Variants in FGF14 observed in about 807,000 individuals in gnomAD.
FGF14 encodes fibroblast growth factor homologous factor 4.
FGF14 carries 5 observed loss-of-function variants against 25.5 expected under a neutral mutation model. The ratio of observed to expected loss-of-function variants is 0.20; its 90% CI spans 0.10 to 0.41. The LOEUF (loss-of-function observed/expected upper bound fraction) is 0.41. Among genes scored for constraint, FGF14 ranks in the 10% least tolerant of loss-of-function variants. The pLI is 1.00. For missense variants in FGF14, 222 were observed against 320.1 expected, an observed-to-expected ratio of 0.69 and a Z score of 2.34; for synonymous variants, 138 against 118.3, an observed-to-expected ratio of 1.17 and a Z score of -1.08.
intron 1 of FGF14, among the ~76,000 whole-genome samples, chr13:102,309,225 A>G (rs2055593123): frequency 1.3e-5 from 2 of 151,596 alleles, no homozygotes; most frequent in African/African-American, 4.9e-5. Flanking sequence ...CACTGAGCCG[A>G]TCAACATGGT....
intron 1 of FGF14, among the ~76,000 whole-genome samples, chr13:102,372,072 T>G (rs892233384): frequency 1.9e-4 from 29 of 152,316 alleles, no homozygotes; most frequent in African/African-American, 6.5e-4. Flanking sequence ...TATTAATTTG[T>G]AACAATCATA....
At chr13:102,001,813 T>G (rs2039511424) in intron 1 of FGF14, among the ~76,000 whole-genome samples, 1 of 152,146 alleles carries the variant, frequency 6.6e-6, no homozygotes, top group African/African-American at 2.4e-5. Flanking sequence ...AGAAGAGCAC[T>G]GCAAGAAAAC....
chr13:102,010,095 A>T (rs1382927727), intron 1 of FGF14, among the ~76,000 whole-genome samples: 1 of 152,094 alleles, frequency 6.6e-6, no homozygotes, highest in Non-Finnish European at 1.5e-5. Flanking sequence ...TACTGCTGCT[A>T]CCTCTGGGCC....
At chr13:101,968,380 A>C (rs560661990) in intron 1 of FGF14, among the ~76,000 whole-genome samples, 44 of 152,330 alleles carry the variant, frequency 2.9e-4, no homozygotes, top group Non-Finnish European at 6.0e-4. Context: ...ACATTAAAAA[A>C]AATACAGCTT....
intron 1 of FGF14, among the ~76,000 whole-genome samples, chr13:101,909,713 A>G (rs2032684776): frequency 1.3e-5 from 2 of 152,098 alleles, no homozygotes; most frequent in South Asian, 4.1e-4. Flanking sequence ...AACTAGAAAT[A>G]CCATTTGACC....
At chr13:101,845,934 T>C (rs2043434003) in intron 3 of FGF14, among the ~76,000 whole-genome samples, 1 of 152,000 alleles carries the variant, frequency 6.6e-6, no homozygotes, top group African/African-American at 2.4e-5. Context: ...AGTGAACATA[T>C]CTGGTCGAAG....
At chr13:101,992,331 C>A (rs1174432950) in intron 1 of FGF14, among the ~76,000 whole-genome samples, 1 of 152,070 alleles carries the variant, frequency 6.6e-6, no homozygotes, top group Non-Finnish European at 1.5e-5. Flanking sequence ...AGCATGTTAG[C>A]CAGATAAATA....
chr13:102,316,950 C>T (rs931844704), intron 1 of FGF14, among the ~76,000 whole-genome samples: 1 of 152,138 alleles, frequency 6.6e-6, no homozygotes, highest in African/African-American at 2.4e-5. Context: ...AGTAAATTCA[C>T]CTCATGATAC....
At chr13:101,723,474 T>C (rs2035142005) in intron 4 of FGF14, among the ~76,000 whole-genome samples, 1 of 152,098 alleles carries the variant, frequency 6.6e-6, no homozygotes, top group Non-Finnish European at 1.5e-5. Context: ...AACATAGTCA[T>C]ACTAGTGTCA....
chr13:102,326,848 A>G (rs1003441473), intron 1 of FGF14, among the ~76,000 whole-genome samples: 3 of 152,182 alleles, frequency 2.0e-5, no homozygotes, highest in African/African-American at 7.2e-5. Context: ...AATTGTGACT[A>G]AAAAAGAGGG....
intron 1 of FGF14, among the ~76,000 whole-genome samples, chr13:102,100,015 C>G (rs1028708113): frequency 6.6e-6 from 1 of 152,106 alleles, no homozygotes; most frequent in African/African-American, 2.4e-5. Context: ...TATAGACATG[C>G]TTGATGAATT....
At chr13:102,232,112 TA>T (rs1594509289) in intron 1 of FGF14, among the ~76,000 whole-genome samples, 1 of 152,204 alleles carries the variant, frequency 6.6e-6, no homozygotes, top group East Asian at 1.9e-4. Flanking sequence ...AACATGAAAT[TA>T]AATAAATGAA....
intron 3 of FGF14, among the ~76,000 whole-genome samples, chr13:101,808,727 C>T (rs1056354359): frequency 1.3e-5 from 2 of 151,834 alleles, no homozygotes; most frequent in African/African-American, 2.4e-5. Context: ...TTGAGCTAAC[C>T]TATTACTTCA....
intron 3 of FGF14, among the ~76,000 whole-genome samples, chr13:101,846,188 A>G (rs1566303322): frequency 1.3e-5 from 2 of 152,014 alleles, no homozygotes; most frequent in African/African-American, 4.8e-5. Flanking sequence ...AACGGAGTTA[A>G]ACATCTTTTA....
intron 1 of FGF14, among the ~76,000 whole-genome samples, chr13:102,355,779 G>A (rs1044941706): frequency 2.0e-5 from 3 of 151,768 alleles, no homozygotes; most frequent in Non-Finnish European, 2.9e-5. Context: ...TGAACATAAC[G>A]TATGTGAATA....
At chr13:102,188,801 C>T (rs2140803071) in intron 1 of FGF14, among the ~76,000 whole-genome samples, 1 of 151,618 alleles carries the variant, frequency 6.6e-6, no homozygotes, top group Non-Finnish European at 1.5e-5. Flanking sequence ...ATTACCTGGG[C>T]ATGGTGGCAC....
intron 1 of FGF14, among the ~76,000 whole-genome samples, chr13:101,889,282 A>G (rs147773256): frequency 9.5e-4 from 145 of 152,292 alleles, no homozygotes; most frequent in Middle Eastern, 3.4e-3. Flanking sequence ...TTAGAGACAA[A>G]ACCGCCTTCA....
At chr13:102,175,256 G>GTGGATCAGAA (rs1443825993) in intron 1 of FGF14, among the ~76,000 whole-genome samples, 13 of 152,068 alleles carry the variant, frequency 8.5e-5, no homozygotes, top group African/African-American at 3.1e-4. Flanking sequence ...ACATAGATCA[G>GTGGATCAGAA]TGGATCAGAA....
intron 1 of FGF14, among the ~76,000 whole-genome samples, chr13:102,206,010 AAAAAAAAAAAAAAAAAAAAAAAAAGCAT>A (rs2049900587): frequency 7.3e-5 from 3 of 40,884 alleles, no homozygotes; most frequent in African/African-American, 6.5e-4. Context: ...AAAAAAAAAA[AAAAAAAAAAAAAAAAAAAAAAAAAGCAT>A]TAGATTCCAG....
Sources: gnomAD v4.1 joint callset for allele counts (sites outside exome capture counted in the v4.1 genomes callset) on GRCh38, gnomAD v4.1.1 for gene constraint, MANE v1.5 for transcripts, NCBI Gene and HGNC (gene_info 2026-07-23, HGNC 2026-07-21) for gene names.